Variants in ZSCAN25 observed in about 807,000 individuals in gnomAD.
ZSCAN25 encodes zinc finger and SCAN domain-containing protein 25.
In ZSCAN25, 27 loss-of-function variants were observed where a neutral mutation model predicts 38.7. The observed-to-expected ratio is 0.70, with a 90% CI of 0.51 to 0.96. ZSCAN25 has a LOEUF of 0.96. Among genes scored for constraint, ZSCAN25 ranks in the 40% least tolerant of loss-of-function variants. The pLI, the probability that ZSCAN25 is intolerant of heterozygous loss-of-function variation, is 0.00. For synonymous variants in ZSCAN25, 273 were observed against 277.7 expected, an observed-to-expected ratio of 0.98 and a Z score of 0.17; for missense variants, 637 against 705.9, an observed-to-expected ratio of 0.90 and a Z score of 1.11.
the ZSCAN25 span, among the ~76,000 whole-genome samples, chr7:99,726,630 C>T: frequency 6.6e-6 from 1 of 152,336 alleles, no homozygotes; most frequent in African/African-American, 2.4e-5. Flanking sequence ...TGTACTGCCA[C>T]AAGGCTTCTG....
chr7:99,723,304 C>G, the ZSCAN25 span, among the ~76,000 whole-genome samples: 1 of 152,146 alleles, frequency 6.6e-6, no homozygotes, highest in South Asian at 2.1e-4. Context: ...CCCAACTGAT[C>G]GATTGATCGA....
the ZSCAN25 span, among the ~76,000 whole-genome samples, chr7:99,736,289 C>T: frequency 2.0e-5 from 3 of 152,186 alleles, no homozygotes; most frequent in Admixed American, 6.5e-5. Context: ...AACAATGGGG[C>T]AGTGGTCACT....
At chr7:99,711,608 A>C in the ZSCAN25 span, among the ~76,000 whole-genome samples, 13 of 152,276 alleles carry the variant, frequency 8.5e-5, no homozygotes, top group East Asian at 2.3e-3. Flanking sequence ...TTCTCTACTA[A>C]AAATACAAAA....
the ZSCAN25 span, chr7:99,671,930 A>G: frequency 1.5e-6 from 1 of 688,794 alleles, no homozygotes; most frequent in East Asian, 2.7e-5. Flanking sequence ...AACACACACA[A>G]ACAAGGGCAT....
At chr7:99,685,100 C>CA in the ZSCAN25 span, 1 of 1,436,836 alleles carries the variant, frequency 7.0e-7, no homozygotes, top group Non-Finnish European at 9.8e-7. Context: ...TTCTAGGTCA[C>CA]AGCTTTTTTG....
At chr7:99,673,890 C>T in the ZSCAN25 span, among the ~76,000 whole-genome samples, 3 of 152,218 alleles carry the variant, frequency 2.0e-5, no homozygotes. Flanking sequence ...GTGGTAACCA[C>T]AATGCTCCTA....
the ZSCAN25 span, among the ~76,000 whole-genome samples, chr7:99,662,040 A>G: frequency 6.6e-6 from 1 of 152,378 alleles, no homozygotes; most frequent in Non-Finnish European, 1.5e-5. This position sits in a 1 kb window ranked among gnomAD's most constrained non-coding sequence, Gnocchi z 4.3. Flanking sequence ...GTTGAGATAG[A>G]TAGATGATTA....
chr7:99,722,703 A>G, the ZSCAN25 span, among the ~76,000 whole-genome samples: 1 of 152,198 alleles, frequency 6.6e-6, no homozygotes, highest in Non-Finnish European at 1.5e-5. Context: ...GGAGAAACTG[A>G]GGCTGAGGGA....
At chr7:99,695,896 C>T in the ZSCAN25 span, 1 of 1,488,982 alleles carries the variant, frequency 6.7e-7, no homozygotes, top group Non-Finnish European at 9.3e-7. Flanking sequence ...GATATGGGGG[C>T]TGGTAAGTCA....
chr7:99,699,738 C>T, the ZSCAN25 span, among the ~76,000 whole-genome samples: 4 of 152,154 alleles, frequency 2.6e-5, no homozygotes, highest in East Asian at 5.8e-4. Flanking sequence ...ATGCTGTCCC[C>T]AAACCCTCCT....
chr7:99,732,440 AT>A, the ZSCAN25 span, among the ~76,000 whole-genome samples: 1 of 151,656 alleles, frequency 6.6e-6, no homozygotes, highest in African/African-American at 2.4e-5. Flanking sequence ...AGACATGCTC[AT>A]TTTTTTTCAA....
chr7:99,710,716 T>C, the ZSCAN25 span: 3 of 1,613,820 alleles, frequency 1.9e-6, no homozygotes, highest in Non-Finnish European at 2.5e-6. Context: ...TCCTTCTCCA[T>C]GTACTGTCCA....
In ZSCAN25 at chr7:99,632,110, C is replaced by G. The variant is rs2151306129; in HGVS notation, c.*2090C>G. On this transcript the variant is annotated 3_prime_UTR_variant, in exon 8 of 8. Transcript: ENST00000394152. ...ATTCCTCTGGGTTTCAGCAAGTTGG[C>G]ATATCTTAAGCTTCAGAAGGAGCTG... 1 of 985,396 alleles carries G rather than the reference C, an allele frequency of 1.0e-6. No individual in the cohort carries two copies. The highest frequency in any genetic ancestry group is 4.7e-5 in the South Asian group (1 of 21,278). The allele number at this position is 985,396 out of a possible 1,614,324, so 61.0% of individuals were successfully genotyped here. A position where few individuals can be genotyped will look rare whatever the true frequency, so the allele number is the denominator to read the frequency against.
the ZSCAN25 span, among the ~76,000 whole-genome samples, chr7:99,723,403 T>A: frequency 6.6e-6 from 1 of 152,130 alleles, no homozygotes; most frequent in Admixed American, 6.5e-5. Context: ...AATAGATAAC[T>A]TCCTTTAACT....
chr7:99,730,176 C>T, the ZSCAN25 span, among the ~76,000 whole-genome samples: 1 of 152,080 alleles, frequency 6.6e-6, no homozygotes, highest in South Asian at 2.1e-4. Flanking sequence ...CACAAAGGCT[C>T]GACCAAAGTC....
chr7:99,643,289 C>G, the ZSCAN25 span, among the ~76,000 whole-genome samples: 4 of 151,992 alleles, frequency 2.6e-5, no homozygotes, highest in Non-Finnish European at 5.9e-5. Context: ...TCTAGAAAGG[C>G]GTTTGCCATA....
chr7:99,630,356 G>A lies in ZSCAN25; in HGVS notation c.*336G>A. ...GGCAAAACCTTGACACGTGTTGGTA[G>A]CTGGGACCTCATCTTCCTGAGGGCT... On this transcript the variant is annotated 3_prime_UTR_variant, in exon 8 of 8. Transcript: ENST00000394152. The A allele has an allele frequency of 9.2e-7, 1 of 1,087,496 alleles. No homozygotes were observed. The highest frequency in any genetic ancestry group is 6.1e-5 in the East Asian group (1 of 16,342). The allele number at this position is 1,087,496 out of a possible 1,614,324, so 67.4% of individuals were successfully genotyped here.
the ZSCAN25 span, among the ~76,000 whole-genome samples, chr7:99,711,562 A>T: frequency 1.3e-5 from 2 of 152,322 alleles, no homozygotes; most frequent in East Asian, 3.9e-4. Flanking sequence ...CGAGGTCAGG[A>T]GTTCAAGACC....
At chr7:99,675,840 T>C in the ZSCAN25 span, among the ~76,000 whole-genome samples, 1 of 149,272 alleles carries the variant, frequency 6.7e-6, no homozygotes, top group East Asian at 2.0e-4. Flanking sequence ...ACTACAGGCA[T>C]GGGCTACCAT....
Sources: allele counts gnomAD v4.1 joint callset (sites outside exome capture counted in the v4.1 genomes callset), GRCh38; gene constraint gnomAD v4.1.1; non-coding constraint Gnocchi (gnomAD v3.1); transcripts MANE v1.5; gene names NCBI Gene and HGNC (gene_info 2026-07-23, HGNC 2026-07-21).